Variants in EEF1G observed in about 807,000 individuals in gnomAD.
EEF1G encodes eukaryotic translation elongation factor 1 gamma, also known as elongation factor 1-gamma.
In EEF1G, 14 loss-of-function variants were observed where a neutral mutation model predicts 58.3. That is an observed-to-expected ratio of 0.24 (90% CI 0.16 to 0.38). The LOEUF (loss-of-function observed/expected upper bound fraction) is 0.38. Among genes scored for constraint, EEF1G ranks in the 10% least tolerant of loss-of-function variants. The pLI, the probability that EEF1G is intolerant of heterozygous loss-of-function variation, is 1.00. For missense variants in EEF1G, 322 were observed against 550.1 expected (o/e 0.59, Z 4.15); for synonymous variants, 180 against 206.8 (o/e 0.87, Z 1.11).
At position 62,559,671 on chromosome 11, in the gene EEF1G, A is replaced by G. The variant is rs1941473729; in HGVS notation, c.*8T>C. ...AGGTGCAGGCAGCTAGGTGATGGCA[A>G]GAGATGTTCACTTGAAGATCTTGCC... On this transcript the variant is annotated 3_prime_UTR_variant, in exon 10 of 10. Coordinates refer to ENST00000329251, the MANE Select transcript of EEF1G (RefSeq NM_001404.5). The G allele has an allele frequency of 6.2e-7, 1 of 1,613,410 alleles. No individual in the cohort carries two copies. The highest frequency in any genetic ancestry group is 1.3e-5 in the African/African-American group (1 of 74,908).
chr11:62,571,760 T>A, intron 3 of EEF1G, 78 bp from the exon 4 acceptor site: 1 of 1,561,870 alleles, frequency 6.4e-7, no homozygotes, highest in Middle Eastern at 1.7e-4. Flanking sequence ...TTCCTTCATA[T>A]CCACCCCCGC....
In EEF1G at chr11:62,571,912, A is replaced by C; in HGVS notation, c.172-11T>G. 1 of 1,567,418 alleles carries C rather than the reference A, an allele frequency of 6.4e-7. No individual in the cohort carries two copies. The highest frequency in any genetic ancestry group is 8.7e-7 in the Non-Finnish European group (1 of 1,155,912). ...CTCAAATGCTGGGACCTGGGGACAA[A>C]GCAGTGAAAAGATAAGGTAAAACAC... On this transcript the variant is annotated splice_polypyrimidine_tract_variant and intron_variant, in intron 2 of 9. Coordinates refer to ENST00000329251, the MANE Select transcript of EEF1G (RefSeq NM_001404.5).
At chr11:62,565,292 G>C (rs556837030) in intron 7 of EEF1G, among the ~76,000 whole-genome samples, 1 of 152,032 alleles carries the variant, frequency 6.6e-6, no homozygotes, top group Admixed American at 6.5e-5. Flanking sequence ...AGGCTGAGGT[G>C]GGAGGATCGC....
intron 1 of EEF1G, 55 bp from the exon 2 acceptor site, chr11:62,572,797 T>C: frequency 3.9e-6 from 6 of 1,524,688 alleles, no homozygotes; most frequent in South Asian, 3.5e-5. Context: ...CAGTCCTTAA[T>C]GCCACTCTCC....
In EEF1G at chr11:62,566,997, T is replaced by C. The variant is rs11545770; in HGVS notation, c.666A>G (p.Ala222=). Residue 222 remains alanine, a synonymous_variant, in exon 7 of 10, where the codon GCA becomes GCG. Transcript: ENST00000329251. ...GTGTGTCCTTTTTAGGTTGGGTCTC[T>C]GCAAACTTTTTAGCTGGTGCAGAGG... ...KMAQFDAKKF[A]ETQPKKDTPR... The C allele has an allele frequency of 6.2e-7, 1 of 1,613,874 alleles. No individual in the cohort carries two copies. The highest frequency in any genetic ancestry group is 1.3e-5 in the African/African-American group (1 of 74,928).
At chr11:62,563,176 C>T (rs904089612) in intron 7 of EEF1G, among the ~76,000 whole-genome samples, 1 of 151,746 alleles carries the variant, frequency 6.6e-6, no homozygotes, top group East Asian at 2.0e-4. Flanking sequence ...GCCCAGGCTG[C>T]AGTGCAGTGG....
At position 62,566,950 on chromosome 11, in the gene EEF1G, C is replaced by T. The variant is rs1242363325; in HGVS notation, c.713G>A (p.Arg238Gln). ...AGCCTGGGGCTTCTGCTTCTCTTCC[C>T]GTGAACCCTTCTCTTTCCGTGGTGT... ...KDTPRKEKGS[R>Q]EEKQKPQAER... Residue 238 changes from arginine to glutamine, a missense_variant, in exon 7 of 10, where the codon CGG becomes CAG. This residue lies in a region of EEF1G where 208 missense variants were observed against 323.7 expected (regional missense o/e 0.64). Coordinates refer to ENST00000329251, the MANE Select transcript of EEF1G (RefSeq NM_001404.5). 9 of 1,613,902 alleles carry T rather than the reference C, an allele frequency of 5.6e-6. No individual in the cohort carries two copies. Among genetic ancestry groups the T allele is most frequent in the Non-Finnish European group, 6.8e-6 (8 of 1,179,910 alleles).
intron 7 of EEF1G, among the ~76,000 whole-genome samples, chr11:62,562,769 G>A (rs1350212264): frequency 2.6e-5 from 4 of 151,058 alleles, no homozygotes; most frequent in Admixed American, 6.6e-5. Flanking sequence ...ATGAGCCACC[G>A]TGCCCAGCCC....
Position 62,572,585 on chromosome 11 carries a change from T to C in EEF1G, c.170A>G (p.Lys57Arg), listed in dbSNP as rs1170867307. 3 of 1,611,854 alleles carry C rather than the reference T, an allele frequency of 1.9e-6. No homozygotes were observed. Among genetic ancestry groups the C allele is most frequent in the Admixed American group, 1.7e-5 (1 of 59,990 alleles). Residue 57 changes from lysine to arginine, a missense_variant and splice_region_variant, in exon 2 of 10, where the codon AAG becomes AGG. Transcript: ENST00000329251. Reference sequence around the variant, plus strand: ...GATGCTCCCCATCTCCCAACTCACCTTGCCGGCAGGAAATTTGCGGAGAAA... The same window carrying C: ...GATGCTCCCCATCTCCCAACTCACCCTGCCGGCAGGAAATTTGCGGAGAAA... ...PEFLRKFPAG[K>R]VPAFEGDDGF...
intron 7 of EEF1G, among the ~76,000 whole-genome samples, chr11:62,566,041 CA>C (rs1189469439): frequency 6.6e-6 from 1 of 152,128 alleles, no homozygotes; most frequent in Non-Finnish European, 1.5e-5. Flanking sequence ...AGTTCCAAAG[CA>C]AAGTGACCAC....
chr11:62,561,695 AAC>A (rs1168382792), intron 7 of EEF1G, among the ~76,000 whole-genome samples: 4 of 150,998 alleles, frequency 2.6e-5, no homozygotes, highest in Non-Finnish European at 5.9e-5. Flanking sequence ...AAAAAAAAAA[AAC>A]AACCAAAAAA....
Position 62,561,230 on chromosome 11 carries a change from A to G in EEF1G, c.858-776T>C, listed in dbSNP as rs142975501. ...AGCCCAGCCTGACCAACAAGGTGAA[A>G]CCCCGTTTCTACTAAAAATACAAAA... is the stretch of plus-strand genomic sequence containing the variant. On this transcript the variant is annotated intron_variant, in intron 7 of 9. Coordinates refer to ENST00000329251, the MANE Select transcript of EEF1G (RefSeq NM_001404.5). 1.4e-3 allele frequency among the ~76,000 whole-genome samples: 206 copies of G among 151,998 alleles called. 4 individuals carry two copies. In the East Asian group the frequency reaches 0.035, roughly 26 times the overall value.
chr11:62,567,857 C>T (rs112964250), intron 5 of EEF1G, among the ~76,000 whole-genome samples: 3,190 of 151,804 alleles, frequency 0.021, 117 homozygotes, highest in African/African-American at 0.073. Flanking sequence ...GTAGCTGGGA[C>T]TACAGGTGCC....
intron 1 of EEF1G, 34 bp downstream of exon 1, chr11:62,573,797 G>C: frequency 6.2e-7 from 1 of 1,613,464 alleles, no homozygotes; most frequent in Non-Finnish European, 8.5e-7. Flanking sequence ...GCGGTGGATA[G>C]GATGACCCGA....
intron 7 of EEF1G, among the ~76,000 whole-genome samples, chr11:62,561,786 T>C (rs1407608337): frequency 6.6e-6 from 1 of 152,150 alleles, no homozygotes; most frequent in Non-Finnish European, 1.5e-5. Flanking sequence ...GAATCTTCCC[T>C]GTTTGTCTCT....
At chr11:62,563,859 A>G (rs918164445) in intron 7 of EEF1G, among the ~76,000 whole-genome samples, 6 of 152,324 alleles carry the variant, frequency 3.9e-5, no homozygotes, top group Admixed American at 3.3e-4. Flanking sequence ...TTCCAAATGC[A>G]TAAGAGACCT....
chr11:62,567,705 T>C (rs1363186686), intron 5 of EEF1G, among the ~76,000 whole-genome samples, 177 bp from the exon 6 acceptor site: 1 of 145,550 alleles, frequency 6.9e-6, no homozygotes, highest in African/African-American at 2.5e-5. Flanking sequence ...TTCATTTTTT[T>C]CAATTTTTTT....
intron 5 of EEF1G, among the ~76,000 whole-genome samples, chr11:62,569,076 T>TACACACACGCACACACAC (rs1555043665): frequency 7.0e-6 from 1 of 143,810 alleles, no homozygotes; most frequent in Non-Finnish European, 1.6e-5. Context: ...GGCCATACTA[T>TACACACACGCACACACAC]ACACACACGC....
intron 7 of EEF1G, among the ~76,000 whole-genome samples, chr11:62,564,782 A>AAAAAG (rs55778573): frequency 3.9e-4 from 55 of 141,894 alleles, no homozygotes; most frequent in African/African-American, 9.7e-4. Context: ...AAAAAAAAAA[A>AAAAAG]GGGGGCCAGG....
Sources: gnomAD v4.1 joint callset for allele counts (sites outside exome capture counted in the v4.1 genomes callset) on GRCh38, gnomAD v4.1.1 for gene constraint, gnomAD v4.1.1 regional missense constraint, MANE v1.5 for transcripts, NCBI Gene and HGNC (gene_info 2026-07-23, HGNC 2026-07-21) for gene names.